The following PCDHA4 variants were observed in gnomAD, a reference collection of about 807,000 sequenced individuals.
PCDHA4 encodes the protein protocadherin alpha 4, also known as protocadherin alpha-4.
In PCDHA4, 49 loss-of-function variants were observed where a neutral mutation model predicts 61.4. The ratio of observed to expected loss-of-function variants is 0.80; its 90% confidence interval spans 0.63 to 1.01. The LOEUF is 1.01. Ranked by LOEUF, PCDHA4 falls within the 50% of genes least tolerant of loss-of-function variation. The pLI is 0.00. For missense variants in PCDHA4, 1,254 were observed against 1,235.8 expected, an observed-to-expected ratio of 1.01 and a Z score of -0.22; for synonymous variants, 590 against 550.3, an observed-to-expected ratio of 1.07 and a Z score of -1.01.
chr5:141,009,770 A>T lies in PCDHA4; in HGVS notation c.2677A>T (p.Ile893Phe). The part of the protein sequence containing the change: ...DKFIIPGSPA[I>F]ISIRQEPTNS... The stretch of plus-strand genomic sequence containing the variant: ...ATTCATTATCCCAGGATCTCCTGCA[A>T]TCATCTCCATCCGGCAGGAGCCTAC... The change falls in exon 4 of 4, where the codon ATC becomes TTC. Residue 893 changes from isoleucine to phenylalanine, a missense_variant. Transcript: ENST00000530339. 6.2e-7 allele frequency: 1 copy of T among 1,614,160 alleles called. No homozygotes were observed. The highest frequency in any genetic ancestry group is 8.5e-7 in the Non-Finnish European group (1 of 1,180,028).
rs868922197 is a variant in PCDHA4 at position 140,807,902 on chromosome 5, GC to G, written c.719del (p.Pro240GlnfsTer10). On this transcript the variant is annotated frameshift_variant, in exon 1 of 4. Transcript: ENST00000530339. LOFTEE classifies it high-confidence loss of function. ...LITVLDANDN[A>X]PAFDRTIYKV... is the part of the protein sequence containing the mutation. ...CACAGTACTGGATGCCAATGACAAT[GC>G]CCCAGCTTTTGACAGAACCATTTAT... The G allele has an allele frequency of 1.9e-6, 3 of 1,614,116 alleles. No individual in the cohort carries two copies. The highest frequency in any genetic ancestry group is 2.5e-6 in the Non-Finnish European group (3 of 1,179,988).
rs2150462015 is a variant in PCDHA4 at position 140,849,990 on chromosome 5, T to G, written c.2385+40418T>G. On this transcript the variant is annotated intron_variant, in intron 1 of 3. Coordinates refer to ENST00000530339, the MANE Select transcript of PCDHA4 (RefSeq NM_018907.4). ...GTCCTACTCGCTGGTGGAGCGGCGGTTGGGCGAGCGCTCGCTGTCGAGCTA... is the reference window on the plus strand; with the variant it reads ...GTCCTACTCGCTGGTGGAGCGGCGGGTGGGCGAGCGCTCGCTGTCGAGCTA... 9.1e-5 allele frequency: 145 copies of G among 1,596,718 alleles called. 14 individuals carry two copies. The highest frequency in any genetic ancestry group is 5.1e-4 in the Admixed American group (30 of 59,270).
chr5:140,952,303 AC>A (rs1554220328), intron 1 of PCDHA4, among the ~76,000 whole-genome samples: 1 of 147,998 alleles, frequency 6.8e-6, no homozygotes, highest in African/African-American at 2.5e-5. Flanking sequence ...CAGCCATTTC[AC>A]TCCAGCCTGG....
intron 1 of PCDHA4, chr5:140,867,841 C>T (rs1554161566): frequency 1.3e-5 from 2 of 151,958 alleles, no homozygotes; most frequent in African/African-American, 4.8e-5. Flanking sequence ...GGTAATTTAC[C>T]ATTTAGTTGA....
chr5:140,857,241 C>T, intron 1 of PCDHA4: 1 of 1,598,588 alleles, frequency 6.3e-7, no homozygotes, highest in East Asian at 2.2e-5. Context: ...AAGCTGGTGT[C>T]CACCTACAAG....
rs1215623176 is a variant in PCDHA4 at position 140,858,135 on chromosome 5, T to A, written c.2385+48563T>A. On this transcript the variant is annotated intron_variant, in intron 1 of 3. Transcript: ENST00000530339. ...GAGGTGGCCCTGGTGGATGTCAACG[T>A]GTACCTGATCATCGCCATCTGCGCG... is the stretch of plus-strand genomic sequence containing the variant. 2 of 1,597,334 alleles carry A rather than the reference T, an allele frequency of 1.3e-6. 1 individual carries two copies. Among genetic ancestry groups the A allele is most frequent in the Non-Finnish European group, 1.7e-6 (2 of 1,167,406 alleles).
chr5:140,933,677 T>C (rs1024721491), intron 1 of PCDHA4, among the ~76,000 whole-genome samples: 1 of 151,826 alleles, frequency 6.6e-6, no homozygotes, highest in Non-Finnish European at 1.5e-5. Flanking sequence ...CTCTCTCACA[T>C]TTTTTTTCCT....
intron 1 of PCDHA4, chr5:140,823,962 C>T (rs781985847): frequency 6.8e-6 from 11 of 1,614,026 alleles, no homozygotes; most frequent in Non-Finnish European, 9.3e-6. Context: ...CCACCGAGGC[C>T]GTGTGCACAC....
intron 1 of PCDHA4, chr5:140,811,799 T>C (rs1554125817): frequency 6.6e-6 from 1 of 152,256 alleles, no homozygotes; most frequent in East Asian, 1.9e-4. Flanking sequence ...AAATGTCTTC[T>C]TTTGAGAAGT....
chr5:141,001,825 CAG>C (rs1244261427), intron 3 of PCDHA4, among the ~76,000 whole-genome samples: 1 of 151,674 alleles, frequency 6.6e-6, no homozygotes, highest in Non-Finnish European at 1.5e-5. Flanking sequence ...CAAATTCTGA[CAG>C]AGAGGGAGAC....
chr5:140,929,078 G>A lies in PCDHA4; in HGVS notation c.2386-49871G>A, dbSNP rs144524128. On this transcript the variant is annotated intron_variant, in intron 1 of 3. Coordinates refer to ENST00000530339, the MANE Select transcript of PCDHA4 (RefSeq NM_018907.4). ...TCTACAGAGGATCTGAGGTATGGAA[G>A]TAAGATGGTTTCAAATCCTTGCATG... 20 of 1,614,208 alleles carry A rather than the reference G, an allele frequency of 1.2e-5. No individual in the cohort carries two copies. The African/African-American group carries it at 2.3e-4, about 18-fold the overall frequency.
At chr5:140,925,787 C>T (rs972978659) in intron 1 of PCDHA4, among the ~76,000 whole-genome samples, 2 of 152,040 alleles carry the variant, frequency 1.3e-5, no homozygotes, top group Admixed American at 6.6e-5. Context: ...TAATGAGTAT[C>T]TCAGTACTTT....
At chr5:140,909,378 C>T (rs544117185) in intron 1 of PCDHA4, among the ~76,000 whole-genome samples, 1 of 152,264 alleles carries the variant, frequency 6.6e-6, no homozygotes, top group Admixed American at 6.5e-5. Context: ...GCAATGAAAC[C>T]ACATCTAGTA....
intron 1 of PCDHA4, among the ~76,000 whole-genome samples, chr5:140,912,341 G>GT (rs1430124831): frequency 9.5e-5 from 12 of 126,362 alleles, no homozygotes; most frequent in African/African-American, 4.2e-4. Flanking sequence ...AGTACACTAA[G>GT]TATTTTTTTT....
intron 3 of PCDHA4, among the ~76,000 whole-genome samples, chr5:140,985,803 G>T (rs536777034): frequency 2.9e-5 from 4 of 139,766 alleles, no homozygotes; most frequent in Non-Finnish European, 6.0e-5. Context: ...GCAGTGGCAC[G>T]ATCTCAGCTC....
At chr5:140,978,713 A>G (rs2096819329) in intron 1 of PCDHA4, among the ~76,000 whole-genome samples, 1 of 152,272 alleles carries the variant, frequency 6.6e-6, no homozygotes, top group Admixed American at 6.5e-5. Flanking sequence ...GGCCTTTACA[A>G]GATTATTAAA....
chr5:140,986,195 A>C (rs1200850544), intron 3 of PCDHA4, among the ~76,000 whole-genome samples: 1 of 152,196 alleles, frequency 6.6e-6, no homozygotes, highest in African/African-American at 2.4e-5. Context: ...TAAATTGGTT[A>C]ATCCTGATTA....
intron 3 of PCDHA4, among the ~76,000 whole-genome samples, chr5:140,993,462 T>TCA (rs3836747): frequency 0.1 from 14,588 of 140,880 alleles, 728 homozygotes; most frequent in Middle Eastern, 0.17. Context: ...TCTTTCTTTC[T>TCA]CACACACACA....
intron 1 of PCDHA4, among the ~76,000 whole-genome samples, chr5:140,845,933 C>T (rs1174545487): frequency 6.7e-6 from 1 of 149,546 alleles, no homozygotes; most frequent in African/African-American, 2.5e-5. Flanking sequence ...GTAAAACTAT[C>T]TTCTGTAAAG....
Sources: gnomAD v4.1 joint callset for allele counts (sites outside exome capture counted in the v4.1 genomes callset) on GRCh38, gnomAD v4.1.1 for gene constraint, MANE v1.5 for transcripts, NCBI Gene and HGNC (gene_info 2026-07-23, HGNC 2026-07-21) for gene names.